The following SGSM1 variants were observed in gnomAD, a reference collection of about 807,000 sequenced individuals.
SGSM1 encodes small G protein signaling modulator 1.
Under a neutral mutation model 133.8 loss-of-function variants are expected in SGSM1, and 73 were observed. The ratio of observed to expected loss-of-function variants is 0.55; its 90% confidence interval spans 0.45 to 0.66. The LOEUF (loss-of-function observed/expected upper bound fraction) is 0.66. Among genes scored for constraint, SGSM1 ranks in the 30% least tolerant of loss-of-function variants. The pLI is 0.00. For synonymous variants in SGSM1, 563 were observed against 573.0 expected, an observed-to-expected ratio of 0.98 and a Z score of 0.25; for missense variants, 1,213 against 1,448.1, an observed-to-expected ratio of 0.84 and a Z score of 2.64.
At chr22:24,881,599 A>C (rs948413523) in intron 14 of SGSM1, among the ~76,000 whole-genome samples, 53 of 150,670 alleles carry the variant, frequency 3.5e-4, no homozygotes, top group Non-Finnish European at 5.5e-4. Flanking sequence ...AACAAAAAAA[A>C]CCAGCAACAA....
intron 16 of SGSM1, among the ~76,000 whole-genome samples, chr22:24,887,091 T>C (rs1053084357): frequency 7.0e-6 from 1 of 143,050 alleles, no homozygotes; most frequent in Non-Finnish European, 1.5e-5. Flanking sequence ...ACTTTCCCAG[T>C]TTTACTTGTA....
chr22:24,876,488 G>A (rs920130532), intron 12 of SGSM1, 89 bp from the exon 13 acceptor site: 17 of 1,541,454 alleles, frequency 1.1e-5, no homozygotes, highest in Non-Finnish European at 1.4e-5. Flanking sequence ...GGCTGGGGCG[G>A]GTGAGCTGCT....
chr22:24,905,493 A>G (rs1933342367), intron 21 of SGSM1, among the ~76,000 whole-genome samples: 1 of 152,212 alleles, frequency 6.6e-6, no homozygotes, highest in Non-Finnish European at 1.5e-5. Context: ...ACATTTAAAG[A>G]AGAATTAATG....
chr22:24,888,552 G>C (rs1932740302), intron 16 of SGSM1, among the ~76,000 whole-genome samples: 1 of 152,090 alleles, frequency 6.6e-6, no homozygotes, highest in Admixed American at 6.6e-5. Flanking sequence ...TGGATCACCT[G>C]AGGTCAGGAG....
At chr22:24,867,243 C>A in intron 10 of SGSM1, 83 bp downstream of exon 10, 1 of 1,346,830 alleles carries the variant, frequency 7.4e-7, no homozygotes, top group Non-Finnish European at 1.1e-6. Flanking sequence ...TCATTAGCAT[C>A]ATGAGCGAAT....
intron 6 of SGSM1, 69 bp downstream of exon 6, chr22:24,855,132 G>T (rs1370897876): frequency 7.0e-6 from 11 of 1,566,350 alleles, no homozygotes; most frequent in Non-Finnish European, 9.6e-6. Context: ...CCTTCTCCAG[G>T]ACTCTCTCAC....
At chr22:24,856,472 G>A (rs1216306233) in intron 8 of SGSM1, among the ~76,000 whole-genome samples, 1 of 152,216 alleles carries the variant, frequency 6.6e-6, no homozygotes, top group Non-Finnish European at 1.5e-5. Context: ...TGGCTAGGCT[G>A]CAGGGATGGG....
chr22:24,900,391 CTT>C (rs200871190), intron 19 of SGSM1, among the ~76,000 whole-genome samples: 1 of 71,604 alleles, frequency 1.4e-5, no homozygotes, highest in African/African-American at 4.9e-5. Flanking sequence ...TTCTTTCTTT[CTT>C]TCTTTCTTTC....
At chr22:24,916,437 A>C (rs1381531463) in intron 22 of SGSM1, among the ~76,000 whole-genome samples, 1 of 152,214 alleles carries the variant, frequency 6.6e-6, no homozygotes, top group African/African-American at 2.4e-5. Context: ...TCACTCCTGT[A>C]ATCCCAGCAC....
chr22:24,900,677 A>G (rs1933127170), intron 19 of SGSM1, among the ~76,000 whole-genome samples: 1 of 152,168 alleles, frequency 6.6e-6, no homozygotes, highest in Non-Finnish European at 1.5e-5. Flanking sequence ...GATTACAGGC[A>G]TGAGCCACGG....
At chr22:24,817,351 C>CTT (rs61046307) in intron 2 of SGSM1, among the ~76,000 whole-genome samples, 57 of 149,306 alleles carry the variant, frequency 3.8e-4, no homozygotes, top group African/African-American at 9.1e-4. Context: ...AGATCCTCAG[C>CTT]TTTTTTTTTC....
In SGSM1 at chr22:24,855,424, C is replaced by T. The variant is rs767900246; in HGVS notation, c.663C>T (p.Ala221=). The T allele has an allele frequency of 5.0e-6, 8 of 1,613,388 alleles. No homozygotes were observed. Among genetic ancestry groups the T allele is most frequent in the Non-Finnish European group, 6.8e-6 (8 of 1,179,766 alleles). The stretch of plus-strand genomic sequence containing the variant: ...AGGACTCGCCCACCAAGCGTCCTGC[C>T]CTCTGTGTGAGTGGGGTGGACAGTG... ...VRQDSPTKRP[A]LCIQKRHSSG... The change falls in exon 7 of 25, where the codon GCC becomes GCT. Residue 221 remains alanine, a synonymous_variant. Coordinates refer to ENST00000400358, the MANE Select transcript of SGSM1 (RefSeq NM_001098497.3).
At chr22:24,806,521 C>T in intron 2 of SGSM1, 37 bp downstream of exon 2, 12 of 1,486,114 alleles carry the variant, frequency 8.1e-6, no homozygotes, top group Non-Finnish European at 1.1e-5. Context: ...CAGGACTCCC[C>T]CGGCAGCAGC....
intron 19 of SGSM1, among the ~76,000 whole-genome samples, 162 bp downstream of exon 19, chr22:24,898,721 A>C (rs1254770842): frequency 3.9e-5 from 6 of 152,058 alleles, no homozygotes; most frequent in Non-Finnish European, 8.8e-5. Flanking sequence ...TTGGGAGAGA[A>C]GATAACGTAG....
At chr22:24,806,372 C>A (rs1419869029) in intron 1 of SGSM1, 28 bp downstream of exon 1, 32 of 1,503,240 alleles carry the variant, frequency 2.1e-5, no homozygotes, top group Non-Finnish European at 2.5e-5. Context: ...ACGAGGGCGG[C>A]GGGAGGGCAG....
intron 2 of SGSM1, among the ~76,000 whole-genome samples, chr22:24,823,017 C>T (rs1161502657): frequency 6.6e-6 from 1 of 152,212 alleles, no homozygotes; most frequent in Non-Finnish European, 1.5e-5. Flanking sequence ...AACAAACCTA[C>T]TGTGTGCCAG....
At chr22:24,909,206 A>G (rs900640903) in intron 21 of SGSM1, among the ~76,000 whole-genome samples, 90 of 152,264 alleles carry the variant, frequency 5.9e-4, no homozygotes, top group Non-Finnish European at 6.2e-4. Context: ...CTCCCTGTCC[A>G]TGGAAAAATT....
chr22:24,845,448 T>C (rs899905997), intron 3 of SGSM1, among the ~76,000 whole-genome samples: 2 of 152,162 alleles, frequency 1.3e-5, no homozygotes, highest in African/African-American at 4.8e-5. Context: ...CCAGCTCTGC[T>C]CACAAGCTTC....
At chr22:24,827,691 A>T (rs1928875668) in intron 2 of SGSM1, among the ~76,000 whole-genome samples, 1 of 151,840 alleles carries the variant, frequency 6.6e-6, no homozygotes, top group Non-Finnish European at 1.5e-5. Flanking sequence ...CCAGGATCTC[A>T]TTCAGGCCTC....
Sources: gnomAD v4.1 joint callset for allele counts (sites outside exome capture counted in the v4.1 genomes callset) on GRCh38, gnomAD v4.1.1 for gene constraint, MANE v1.5 for transcripts, NCBI Gene and HGNC (gene_info 2026-07-23, HGNC 2026-07-21) for gene names.